The following CLNK variants were observed in gnomAD, a reference collection of about 807,000 sequenced individuals.
The protein encoded by CLNK is cytokine-dependent hematopoietic cell linker.
Under a neutral mutation model 68.6 loss-of-function variants are expected in CLNK, and 74 were observed. The observed-to-expected ratio is 1.08, with a 90% confidence interval of 0.89 to 1.31. CLNK has a LOEUF of 1.31. Ranked by LOEUF, CLNK falls within the 50% of genes most tolerant of loss-of-function variation. The pLI is 0.00. For missense variants in CLNK, 553 were observed against 515.3 expected, an observed-to-expected ratio of 1.07 and a Z score of -0.71; for synonymous variants, 198 against 172.2, an observed-to-expected ratio of 1.15 and a Z score of -1.17.
the CLNK span, among the ~76,000 whole-genome samples, chr4:10,732,326 C>A: frequency 6.6e-6 from 1 of 152,154 alleles, no homozygotes; most frequent in Non-Finnish European, 1.5e-5. Flanking sequence ...ATTTGAGGAG[C>A]ACACAAAGCT....
At chr4:10,538,337 C>A (rs953620063) in intron 11 of CLNK, among the ~76,000 whole-genome samples, 1 of 152,220 alleles carries the variant, frequency 6.6e-6, no homozygotes, top group African/African-American at 2.4e-5. Flanking sequence ...CCATGTTGGC[C>A]AGGCTGGTCT....
At chr4:10,548,201 G>A (rs1228559713) in intron 8 of CLNK, among the ~76,000 whole-genome samples, 1 of 152,080 alleles carries the variant, frequency 6.6e-6, no homozygotes, top group Non-Finnish European at 1.5e-5. Context: ...ATCCTAAGAG[G>A]TGTGAGGTGA....
At chr4:10,587,680 C>A (rs564819438) in intron 3 of CLNK, among the ~76,000 whole-genome samples, 1 of 152,310 alleles carries the variant, frequency 6.6e-6, no homozygotes, top group South Asian at 2.1e-4. Flanking sequence ...AATGAAATAA[C>A]CTGTGGGCTC....
chr4:10,627,489 G>T (rs1722719880), intron 2 of CLNK, among the ~76,000 whole-genome samples: 1 of 152,134 alleles, frequency 6.6e-6, no homozygotes, highest in African/African-American at 2.4e-5. Flanking sequence ...TAGTAACATA[G>T]AGTACTATGT....
At chr4:10,563,077 A>C (rs1447875941) in intron 7 of CLNK, among the ~76,000 whole-genome samples, 1 of 152,212 alleles carries the variant, frequency 6.6e-6, no homozygotes, top group African/African-American at 2.4e-5. Flanking sequence ...TTGCTCCTTC[A>C]GTCTCTATCA....
chr4:10,508,829 T>C (rs997625280), intron 16 of CLNK, among the ~76,000 whole-genome samples: 34 of 140,888 alleles, frequency 2.4e-4, no homozygotes, highest in East Asian at 2.1e-3. Flanking sequence ...AAATCTGGGC[T>C]GGGTGTGGTG....
In CLNK at chr4:10,490,345, G is replaced by T; in HGVS notation, c.*122C>A. The T allele has an allele frequency of 9.6e-7, 1 of 1,037,330 alleles. No homozygotes were observed. The highest frequency in any genetic ancestry group is 1.4e-6 in the Non-Finnish European group (1 of 726,504). The allele number at this position is 1,037,330 out of a possible 1,614,324, so 64.3% of individuals were successfully genotyped here. A position where few individuals can be genotyped will look rare whatever the true frequency, so the allele number is the denominator to read the frequency against. ...GATTTTCCACTCTCTGTTATAGAGT[G>T]TTTTTCTTTTCTCCAAAGTTAAAAA... On this transcript the variant is annotated 3_prime_UTR_variant, in exon 19 of 19. Coordinates refer to ENST00000226951, the MANE Select transcript of CLNK (RefSeq NM_052964.4).
chr4:10,726,152 C>T, the CLNK span, among the ~76,000 whole-genome samples: 1 of 152,246 alleles, frequency 6.6e-6, no homozygotes, highest in South Asian at 2.1e-4. Flanking sequence ...AGACCCCCAC[C>T]TTTACCTTCA....
At chr4:10,537,945 T>C (rs1357363032) in intron 11 of CLNK, among the ~76,000 whole-genome samples, 2 of 151,534 alleles carry the variant, frequency 1.3e-5, no homozygotes, top group Non-Finnish European at 2.9e-5. Context: ...AACTCAGAGA[T>C]GTTAAAGAGC....
chr4:10,639,683 A>C (rs1435179308), intron 2 of CLNK, among the ~76,000 whole-genome samples: 2 of 152,242 alleles, frequency 1.3e-5, no homozygotes, highest in African/African-American at 2.4e-5. Flanking sequence ...AAAATGAATA[A>C]AAATTAAGTT....
In CLNK at chr4:10,531,684, G is replaced by A. The variant is rs781690197; in HGVS notation, c.630+572C>T. The A allele has an allele frequency of 4.4e-4, 202 of 454,952 alleles. 8 individuals are homozygous for A. Among genetic ancestry groups the A allele is most frequent in the South Asian group, 3.0e-3 (191 of 64,250 alleles). 28.2% of individuals were successfully genotyped at this position (454,952 alleles called of 1,614,324 possible). A position where few individuals can be genotyped will look rare whatever the true frequency, so the allele number is the denominator to read the frequency against. Reference sequence around the variant, plus strand: ...TTGAACCCCTGACCTCAGGTGATCCGCCCACCTCGGCCTCCCAAAGTGCTG... The same window carrying A: ...TTGAACCCCTGACCTCAGGTGATCCACCCACCTCGGCCTCCCAAAGTGCTG... On this transcript the variant is annotated intron_variant, in intron 12 of 18. Transcript: ENST00000226951.
the CLNK span, among the ~76,000 whole-genome samples, chr4:10,699,608 GT>G: frequency 0.063 from 9,300 of 147,234 alleles, 437 homozygotes; most frequent in East Asian, 0.12. Context: ...CACCTCCCAG[GT>G]TCAAGCAATT....
chr4:10,665,798 A>G (rs537647568), intron 2 of CLNK, among the ~76,000 whole-genome samples: 2 of 151,750 alleles, frequency 1.3e-5, no homozygotes, highest in Non-Finnish European at 2.9e-5. Flanking sequence ...TGAAGAGGGG[A>G]GTGAGTGTGA....
At chr4:10,523,466 A>G (rs1054699874) in intron 14 of CLNK, among the ~76,000 whole-genome samples, 2 of 152,224 alleles carry the variant, frequency 1.3e-5, no homozygotes, top group African/African-American at 2.4e-5. Context: ...GAGATAGTAA[A>G]GAGACCTTGG....
intron 2 of CLNK, among the ~76,000 whole-genome samples, chr4:10,614,469 C>T (rs1401068641): frequency 6.6e-6 from 1 of 152,118 alleles, no homozygotes; most frequent in Non-Finnish European, 1.5e-5. Flanking sequence ...ATATCATCGA[C>T]ATTAAGAGTG....
At chr4:10,592,126 C>G (rs1308473941) in intron 3 of CLNK, among the ~76,000 whole-genome samples, 1 of 152,204 alleles carries the variant, frequency 6.6e-6, no homozygotes, top group African/African-American at 2.4e-5. Context: ...TTTAGTAAAT[C>G]TGGACGATGA....
At chr4:10,651,103 G>A (rs536151395) in intron 2 of CLNK, among the ~76,000 whole-genome samples, 19 of 152,282 alleles carry the variant, frequency 1.2e-4, no homozygotes, top group Admixed American at 1.1e-3. Context: ...CTGTTGGTGA[G>A]TGTAAGTTAG....
chr4:10,622,112 C>T (rs894359942), intron 2 of CLNK, among the ~76,000 whole-genome samples: 1 of 152,194 alleles, frequency 6.6e-6, no homozygotes, highest in South Asian at 2.1e-4. Context: ...AAAATCCAGG[C>T]ATCAAAGATT....
intron 18 of CLNK, among the ~76,000 whole-genome samples, chr4:10,496,743 AG>A (rs1387955163): frequency 6.6e-6 from 1 of 152,244 alleles, no homozygotes; most frequent in African/African-American, 2.4e-5. Context: ...CAGTTATGAC[AG>A]GAAGTATCCT....
Sources: gnomAD v4.1 joint callset for allele counts (sites outside exome capture counted in the v4.1 genomes callset) on GRCh38, gnomAD v4.1.1 for gene constraint, MANE v1.5 for transcripts, NCBI Gene and HGNC (gene_info 2026-07-23, HGNC 2026-07-21) for gene names.